Variants in ANXA3 observed in about 807,000 individuals in gnomAD.
ANXA3 encodes 35-alpha calcimedin.
In ANXA3, 46 loss-of-function variants were observed where a neutral mutation model predicts 48.8. That is an observed-to-expected ratio of 0.94 (90% CI 0.74 to 1.21). The LOEUF is 1.21. Ranked by LOEUF, ANXA3 falls within the 50% of genes most tolerant of loss-of-function variation. The pLI, the probability that ANXA3 is intolerant of heterozygous loss-of-function variation, is 0.00. For synonymous variants in ANXA3, 128 were observed against 134.7 expected, an observed-to-expected ratio of 0.95 and a Z score of 0.35; for missense variants, 383 against 378.6, an observed-to-expected ratio of 1.01 and a Z score of -0.10.
chr4:78,559,983 T>G (rs1277613628), intron 2 of ANXA3, among the ~76,000 whole-genome samples: 1 of 152,238 alleles, frequency 6.6e-6, no homozygotes, highest in Admixed American at 6.5e-5. Context: ...TAGAGGGGCT[T>G]CTGCCTATTT....
At chr4:78,561,110 C>A (rs930294562) in intron 2 of ANXA3, among the ~76,000 whole-genome samples, 4 of 151,994 alleles carry the variant, frequency 2.6e-5, no homozygotes, top group African/African-American at 7.3e-5. Context: ...AACATGGGAT[C>A]CATATAGAAG....
chr4:78,597,527 C>T, intron 10 of ANXA3, 113 bp downstream of exon 10: 1 of 652,410 alleles, frequency 1.5e-6, no homozygotes, highest in Middle Eastern at 2.9e-4. Context: ...TTGCTCCCTA[C>T]AGCCCCCAAC....
At chr4:78,586,511 G>C (rs553510629) in intron 6 of ANXA3, among the ~76,000 whole-genome samples, 161 bp downstream of exon 6, 1 of 152,284 alleles carries the variant, frequency 6.6e-6, no homozygotes, top group African/African-American at 2.4e-5. Flanking sequence ...TGAGTTTCCA[G>C]GAAAAATTGG....
At chr4:78,553,604 G>A (rs935273942) in intron 1 of ANXA3, among the ~76,000 whole-genome samples, 3 of 152,218 alleles carry the variant, frequency 2.0e-5, no homozygotes, top group Non-Finnish European at 4.4e-5. Context: ...AAGTCAAAGA[G>A]CATGTATTTA....
chr4:78,610,153 T>C lies in ANXA3; in HGVS notation c.*38T>C. The C allele has an allele frequency of 2.7e-6, 4 of 1,465,138 alleles. No individual in the cohort carries two copies. Among genetic ancestry groups the C allele is most frequent in the Non-Finnish European group, 3.8e-6 (4 of 1,050,126 alleles). 90.8% of individuals were successfully genotyped at this position (1,465,138 alleles called of 1,614,324 possible). ...ATCTCCAAAGGTCCACGATGGGCTT[T>C]CCCAACAGCTCCACCTTACTTCTTC... On this transcript the variant is annotated 3_prime_UTR_variant, in exon 13 of 13. Transcript: ENST00000264908.
chr4:78,572,231 A>G (rs562648994), intron 2 of ANXA3, among the ~76,000 whole-genome samples: 9 of 152,360 alleles, frequency 5.9e-5, no homozygotes, highest in Admixed American at 1.3e-4. Context: ...AATGTTTTAT[A>G]TTTGTAATTT....
chr4:78,563,463 G>GT (rs200073048), intron 2 of ANXA3, among the ~76,000 whole-genome samples: 3,419 of 152,080 alleles, frequency 0.022, 60 homozygotes, highest in Non-Finnish European at 0.035. Flanking sequence ...TGGGATCTCT[G>GT]GGGGGTGATT....
intron 3 of ANXA3, among the ~76,000 whole-genome samples, chr4:78,576,701 C>A (rs573931191): frequency 5.9e-5 from 9 of 152,224 alleles, no homozygotes; most frequent in Middle Eastern, 3.4e-3. Flanking sequence ...CATGAATTTG[C>A]ACTTTGGCTT....
rs557078608 is a variant in ANXA3 at position 78,595,880 on chromosome 4, A to G, written c.627A>G (p.Leu209=). Residue 209 remains leucine, a synonymous_variant, in exon 9 of 13, where the codon TTA becomes TTG. Coordinates refer to ENST00000264908, the MANE Select transcript of ANXA3 (RefSeq NM_005139.3). ...EILCLRSFPQ[L]KLTFDEYRNI... The stretch of plus-strand genomic sequence containing the variant: ...TGTGTTTAAGGAGCTTTCCTCAATT[A>G]AAACTAAGTACAAACTCACATTACA... 1.9e-6 allele frequency: 3 copies of G among 1,593,194 alleles called. No homozygotes were observed. The highest frequency in any genetic ancestry group is 2.6e-6 in the Non-Finnish European group (3 of 1,161,268).
rs1723411058 is a variant in ANXA3, at chr4:78,595,784, T to C, written c.541-10T>C. On this transcript the variant is annotated splice_polypyrimidine_tract_variant and intron_variant, in intron 8 of 12. Transcript: ENST00000264908. ...TAATTGTGTCTCTAATATCATTCTC[T>C]TGTGAATAGATTCTCTATAAAGCTG... 2 of 1,547,242 alleles carry C rather than the reference T, an allele frequency of 1.3e-6. No individual in the cohort carries two copies. The highest frequency in any genetic ancestry group is 2.7e-5 in the African/African-American group (2 of 73,500).
In ANXA3 at chr4:78,579,117, G is replaced by T. The variant is rs1031631703; in HGVS notation, c.194G>T (p.Gly65Val). 5.0e-6 allele frequency: 8 copies of T among 1,606,922 alleles called. No homozygotes were observed. Among genetic ancestry groups the T allele is most frequent in the Non-Finnish European group, 6.8e-6 (8 of 1,174,268 alleles). Residue 65 changes from glycine (G) to valine (V), a missense_variant, in exon 4 of 13, where the codon GGA becomes GTA. Transcript: ENST00000264908. ...LIVKEYQAAY[G>V]KELKDDLKGD... Reference sequence around the variant, plus strand: ...GTTAAGGAATATCAAGCAGCATATGGAAAGGTAAGGTCACATTAACATGAC... The same window carrying T: ...GTTAAGGAATATCAAGCAGCATATGTAAAGGTAAGGTCACATTAACATGAC...
chr4:78,586,426 A>G, intron 6 of ANXA3, 76 bp downstream of exon 6: 1 of 1,076,432 alleles, frequency 9.3e-7, no homozygotes, highest in East Asian at 2.4e-5. Context: ...GAATCCTCTC[A>G]ATCTCTTCAT....
At chr4:78,593,625 C>CATT (rs568701695) in intron 7 of ANXA3, among the ~76,000 whole-genome samples, 3,920 of 146,946 alleles carry the variant, frequency 0.027, 52 homozygotes, top group South Asian at 0.045. Context: ...CTTTCCTTTC[C>CATT]ATTATTATTA....
chr4:78,604,677 T>C (rs1723611479), intron 12 of ANXA3, among the ~76,000 whole-genome samples: 1 of 152,230 alleles, frequency 6.6e-6, no homozygotes, highest in African/African-American at 2.4e-5. Context: ...TTTACCTGTT[T>C]TTTATATTGC....
intron 5 of ANXA3, among the ~76,000 whole-genome samples, chr4:78,583,184 A>T (rs1177676861): frequency 3.2e-4 from 4 of 12,428 alleles, no homozygotes; most frequent in African/African-American, 6.4e-4. Context: ...ACAAAAAATA[A>T]AAAAAAAATT....
intron 2 of ANXA3, among the ~76,000 whole-genome samples, chr4:78,567,734 T>C (rs1722761321): frequency 6.6e-6 from 1 of 152,248 alleles, no homozygotes; most frequent in Non-Finnish European, 1.5e-5. Flanking sequence ...AATACCATTG[T>C]CAGGCTGATA....
At chr4:78,577,647 T>C (rs891018312) in intron 3 of ANXA3, among the ~76,000 whole-genome samples, 1 of 152,188 alleles carries the variant, frequency 6.6e-6, no homozygotes, top group African/African-American at 2.4e-5. Context: ...AGCTTTTGCT[T>C]CATCATTGAT....
intron 3 of ANXA3, among the ~76,000 whole-genome samples, chr4:78,573,668 C>T (rs979371586): frequency 2.7e-4 from 41 of 152,124 alleles, no homozygotes; most frequent in African/African-American, 9.7e-4. Flanking sequence ...AAGAGACAGT[C>T]GTGCACAAGG....
chr4:78,578,852 A>AAAATAAAT (rs3840270), intron 3 of ANXA3, among the ~76,000 whole-genome samples, 175 bp from the exon 4 acceptor site: 18,369 of 148,608 alleles, frequency 0.12, 1,620 homozygotes, highest in East Asian at 0.25. Flanking sequence ...TCAGGCAAAC[A>AAAATAAAT]AAATAAATAA....
Sources: gnomAD v4.1 joint callset for allele counts (sites outside exome capture counted in the v4.1 genomes callset) on GRCh38, gnomAD v4.1.1 for gene constraint, MANE v1.5 for transcripts, NCBI Gene and HGNC (gene_info 2026-07-23, HGNC 2026-07-21) for gene names.